The following PLD1 variants were observed in gnomAD, a reference collection of about 807,000 sequenced individuals.
PLD1 encodes the protein phospholipase D1, also known as choline phosphatase 1.
A neutral mutation model predicts 137.1 loss-of-function variants in PLD1; 112 were observed. That is an observed-to-expected ratio of 0.82 (90% CI 0.70 to 0.96). PLD1 has a LOEUF of 0.96. Among genes scored for constraint, PLD1 ranks in the 40% least tolerant of loss-of-function variants. The pLI, the probability that PLD1 is intolerant of heterozygous loss-of-function variation, is 0.00. For synonymous variants in PLD1, 431 were observed against 454.7 expected (o/e 0.95, Z 0.66); for missense variants, 1,321 against 1,342.0 (o/e 0.98, Z 0.24).
At chr3:171,731,943 T>G (rs146219364) in intron 6 of PLD1, among the ~76,000 whole-genome samples, 2 of 152,290 alleles carry the variant, frequency 1.3e-5, no homozygotes, top group East Asian at 3.9e-4. Context: ...AGAACACTTT[T>G]TAAATCTAAA....
At chr3:171,747,346 A>T (rs961240991) in intron 1 of PLD1, among the ~76,000 whole-genome samples, 2 of 152,198 alleles carry the variant, frequency 1.3e-5, no homozygotes, top group East Asian at 3.8e-4. Flanking sequence ...GAGCACACTG[A>T]TACAAAACAG....
chr3:171,638,543 G>C (rs1735358827), intron 23 of PLD1, among the ~76,000 whole-genome samples: 1 of 152,162 alleles, frequency 6.6e-6, no homozygotes. Flanking sequence ...AGTATGTGAA[G>C]AATTGGTGTT....
chr3:171,691,386 A>G (rs28759283), intron 13 of PLD1, among the ~76,000 whole-genome samples: 7,127 of 151,768 alleles, frequency 0.047, 539 homozygotes, highest in African/African-American at 0.16. Flanking sequence ...TTTGTCTCTC[A>G]TTTCCTGCAT....
At chr3:171,773,610 A>G in intron 1 of PLD1, among the ~76,000 whole-genome samples, 1 of 150,566 alleles carries the variant, frequency 6.6e-6, no homozygotes, top group East Asian at 1.9e-4. Context: ...TCAAAAAACA[A>G]AACAAAACAA....
intron 24 of PLD1, among the ~76,000 whole-genome samples, chr3:171,619,064 G>A (rs756685943): frequency 6.6e-5 from 10 of 152,034 alleles, no homozygotes; most frequent in Non-Finnish European, 1.5e-4. Context: ...ATGACATTTA[G>A]TTTCTTGAAT....
At chr3:171,617,179 T>C (rs1490402107) in intron 24 of PLD1, among the ~76,000 whole-genome samples, 1 of 152,192 alleles carries the variant, frequency 6.6e-6, no homozygotes, top group Non-Finnish European at 1.5e-5. Flanking sequence ...CATCCCTGTA[T>C]CCATTGTTAA....
chr3:171,805,311 G>C (rs962543264), intron 1 of PLD1, among the ~76,000 whole-genome samples: 2 of 152,160 alleles, frequency 1.3e-5, no homozygotes, highest in East Asian at 3.9e-4. Context: ...AGGAGCAACG[G>C]GGGAAGCAAT....
chr3:171,704,032 G>A (rs1316636705), intron 11 of PLD1, among the ~76,000 whole-genome samples: 1 of 152,170 alleles, frequency 6.6e-6, no homozygotes, highest in African/African-American at 2.4e-5. Context: ...ACTAAAAAGG[G>A]AAGCCATGGG....
At chr3:171,740,922 A>T (rs1164577538) in intron 1 of PLD1, among the ~76,000 whole-genome samples, 1 of 152,234 alleles carries the variant, frequency 6.6e-6, no homozygotes, top group Non-Finnish European at 1.5e-5. Context: ...TTTATAAAGC[A>T]GATTTTGTCT....
At chr3:171,716,294 G>A (rs1717678871) in intron 8 of PLD1, among the ~76,000 whole-genome samples, 1 of 152,158 alleles carries the variant, frequency 6.6e-6, no homozygotes, top group Non-Finnish European at 1.5e-5. Flanking sequence ...ACTGTTCTTA[G>A]TTCTTTGGGG....
intron 1 of PLD1, among the ~76,000 whole-genome samples, chr3:171,743,751 C>T (rs1294051217): frequency 6.6e-6 from 1 of 152,160 alleles, no homozygotes. Context: ...TGAAGAAGCA[C>T]GTCCACTGAG....
chr3:171,691,048 A>G (rs182472233), intron 13 of PLD1, among the ~76,000 whole-genome samples: 191 of 152,252 alleles, frequency 1.3e-3, no homozygotes, highest in African/African-American at 4.4e-3. Context: ...ACCTTTTATT[A>G]ATATATAATG....
intron 23 of PLD1, among the ~76,000 whole-genome samples, chr3:171,640,411 CTTCT>C (rs1735636749): frequency 6.6e-6 from 1 of 152,042 alleles, no homozygotes; most frequent in Non-Finnish European, 1.5e-5. Flanking sequence ...TTTGAAGTAT[CTTCT>C]TTGATTCTTT....
At chr3:171,608,738 C>T (rs1198861443) in intron 25 of PLD1, among the ~76,000 whole-genome samples, 2 of 152,090 alleles carry the variant, frequency 1.3e-5, no homozygotes, top group Non-Finnish European at 2.9e-5. Context: ...GGACCCCGAC[C>T]TCACTTCTTA....
In PLD1 at chr3:171,644,962, T is replaced by A. The variant is rs1736074126; in HGVS notation, c.2491A>T (p.Ile831Phe). Residue 831 changes from isoleucine to phenylalanine, a missense_variant, in exon 22 of 27, where the codon ATT (isoleucine) becomes TTT (phenylalanine). By Grantham distance (21) the Ile-to-Phe change is conservative (BLOSUM62 0). Coordinates refer to ENST00000351298, the MANE Select transcript of PLD1 (RefSeq NM_002662.5). ...IPLLPGFEGDISTGGGNALQA... is the reference protein window; with the variant it reads ...IPLLPGFEGDFSTGGGNALQA... ...AGAGCATTTCCTCCGCCGGTTGAAA[T>A]GTCTCCTTCGAACCCTGGCAGAAGT... is the stretch of plus-strand genomic sequence containing the variant. 1 of 1,613,990 alleles carries A rather than the reference T, an allele frequency of 6.2e-7. No individual in the cohort carries two copies.
chr3:171,711,091 ACT>A (rs1224040591), intron 9 of PLD1, among the ~76,000 whole-genome samples: 1 of 146,684 alleles, frequency 6.8e-6, no homozygotes, highest in East Asian at 2.0e-4. Context: ...CTGGTCTCGA[ACT>A]CTCAACCTCA....
At chr3:171,805,380 G>T (rs1723804962) in intron 1 of PLD1, among the ~76,000 whole-genome samples, 1 of 152,114 alleles carries the variant, frequency 6.6e-6, no homozygotes, top group African/African-American at 2.4e-5. Context: ...CCATAATGTG[G>T]GCCCTTATTT....
At chr3:171,652,574 T>A (rs1202714181) in intron 21 of PLD1, among the ~76,000 whole-genome samples, 1 of 152,022 alleles carries the variant, frequency 6.6e-6, no homozygotes, top group Non-Finnish European at 1.5e-5. Flanking sequence ...CTATCAAACA[T>A]TGCTTTTAAA....
At chr3:171,765,955 A>G (rs1721953675) in intron 1 of PLD1, among the ~76,000 whole-genome samples, 1 of 152,208 alleles carries the variant, frequency 6.6e-6, no homozygotes, top group African/African-American at 2.4e-5. Context: ...ATTAGCTATA[A>G]AAACCTAACT....
Sources: gnomAD v4.1 joint callset for allele counts (sites outside exome capture counted in the v4.1 genomes callset) on GRCh38, gnomAD v4.1.1 for gene constraint, MANE v1.5 for transcripts, NCBI Gene and HGNC (gene_info 2026-07-23, HGNC 2026-07-21) for gene names.